Variants in RBM26 observed in about 807,000 individuals in gnomAD.
RBM26 encodes the protein RNA-binding protein 26.
In RBM26, 30 loss-of-function variants were observed where a neutral mutation model predicts 123.6. That is an observed-to-expected ratio of 0.24 (90% CI 0.18 to 0.33). RBM26 has a LOEUF of 0.33. Among genes scored for constraint, RBM26 ranks in the 10% least tolerant of loss-of-function variants. The pLI, the probability that RBM26 is intolerant of heterozygous loss-of-function variation, is 1.00. For missense variants in RBM26, 947 were observed against 1,203.6 expected (o/e 0.79, Z 3.15); for synonymous variants, 400 against 404.4 (o/e 0.99, Z 0.13).
At chr13:79,334,542 AC>A (rs1819325745) in intron 19 of RBM26, 112 bp from the exon 20 acceptor site, 2 of 527,612 alleles carry the variant, frequency 3.8e-6, no homozygotes, top group Non-Finnish European at 6.6e-6. Context: ...AGAATACATA[AC>A]AATTCATAAT....
At chr13:79,328,184 T>C (rs1290180405) in intron 20 of RBM26, among the ~76,000 whole-genome samples, 1 of 152,048 alleles carries the variant, frequency 6.6e-6, no homozygotes, top group Non-Finnish European at 1.5e-5. Flanking sequence ...ACCAGCAAGA[T>C]TCTGAAAGTG....
At chr13:79,337,021 T>A in intron 19 of RBM26, 81 bp downstream of exon 19, 3 of 1,312,134 alleles carry the variant, frequency 2.3e-6, no homozygotes, top group East Asian at 2.5e-5. Context: ...TTATGTCCTT[T>A]TCATAACTTC....
chr13:79,317,412 C>T (rs368007516), downstream of RBM26, among the ~76,000 whole-genome samples: 1 of 151,566 alleles, frequency 6.6e-6, no homozygotes, highest in Non-Finnish European at 1.5e-5. Flanking sequence ...TCATCTAGTC[C>T]AACTCTTTAT....
At chr13:79,355,968 C>T (rs1352018562) in intron 11 of RBM26, among the ~76,000 whole-genome samples, 3 of 152,126 alleles carry the variant, frequency 2.0e-5, no homozygotes, top group Non-Finnish European at 4.4e-5. Context: ...AGTAATAAAT[C>T]CAAGACTTTT....
chr13:79,391,808 T>C (rs2140400351), intron 1 of RBM26, among the ~76,000 whole-genome samples: 1 of 151,874 alleles, frequency 6.6e-6, no homozygotes, highest in Admixed American at 6.6e-5. Context: ...GCAGATCATA[T>C]CACAATTTCC....
rs2075832002 is a variant in RBM26 at position 79,371,105 on chromosome 13, G to A, written c.474C>T (p.Asn158=). ...DRSRKRDYDR[N]PPRRDSYRDR... is the part of the protein sequence containing the mutation. ...CTCTGTATGAATCTCTTCGAGGAGG[G>A]TTTCGATCATAATCTCTTTTGCGAG... The change falls in exon 5 of 22, where the codon AAC becomes AAT. Residue 158 remains asparagine, a synonymous_variant. Transcript: ENST00000438737. The A allele has an allele frequency of 4.3e-6, 7 of 1,614,086 alleles. No homozygotes were observed. Among genetic ancestry groups the A allele is most frequent in the East Asian group, 2.2e-5 (1 of 44,878 alleles).
chr13:79,320,452 T>C lies in RBM26; in HGVS notation c.*169A>G. 8.0e-7 allele frequency: 1 copy of C among 1,248,680 alleles called. No individual in the cohort carries two copies. The highest frequency in any genetic ancestry group is 1.0e-6 in the Non-Finnish European group (1 of 992,826). 77.4% of individuals were successfully genotyped at this position (1,248,680 alleles called of 1,614,324 possible). A position where few individuals can be genotyped will look rare whatever the true frequency, so the allele number is the denominator to read the frequency against. On this transcript the variant is annotated 3_prime_UTR_variant, in exon 22 of 22. Coordinates refer to ENST00000438737, the MANE Select transcript of RBM26 (RefSeq NM_001366735.2). Reference sequence around the variant, plus strand: ...TGAAGTAAAATGCAAACATCAATCTTTCAAAATACAAGATCAGAAGGTAGT... The same window carrying C: ...TGAAGTAAAATGCAAACATCAATCTCTCAAAATACAAGATCAGAAGGTAGT...
At chr13:79,399,980 G>A (rs186569696) in intron 1 of RBM26, among the ~76,000 whole-genome samples, 5 of 152,270 alleles carry the variant, frequency 3.3e-5, no homozygotes, top group Admixed American at 3.3e-4. Flanking sequence ...GTGAAGAGTG[G>A]TTAAGTCTAA....
At chr13:79,316,812 C>T (rs546246679), downstream of RBM26, among the ~76,000 whole-genome samples, 7 of 151,822 alleles carry the variant, frequency 4.6e-5, no homozygotes, top group African/African-American at 7.2e-5. Context: ...TAATACACAA[C>T]GTTCCTCAAT....
chr13:79,389,116 G>T (rs9530914), intron 1 of RBM26, among the ~76,000 whole-genome samples: 47,607 of 152,032 alleles, frequency 0.31, 8,735 homozygotes, highest in Middle Eastern at 0.5. Context: ...ATGGAGCAGA[G>T]ATATACAGAA....
At chr13:79,334,305 C>A in intron 20 of RBM26, 39 bp downstream of exon 20, 2 of 1,126,518 alleles carry the variant, frequency 1.8e-6, no homozygotes, top group African/African-American at 1.6e-5. Context: ...ACTTATAAAT[C>A]ATTTAAATCT....
At chr13:79,373,523 C>A (rs2076312737) in intron 3 of RBM26, among the ~76,000 whole-genome samples, 1 of 22,920 alleles carries the variant, frequency 4.4e-5, no homozygotes, top group Non-Finnish European at 8.0e-5. Flanking sequence ...ATATATATTA[C>A]TATATATATT....
intron 14 of RBM26, 89 bp from the exon 15 acceptor site, chr13:79,344,883 TTAAACTTCA>T (rs1349750501): frequency 8.0e-7 from 1 of 1,254,182 alleles, no homozygotes; most frequent in African/African-American, 1.5e-5. Flanking sequence ...AGCACTACTG[TTAAACTTCA>T]GCTTCAAAAC....
At chr13:79,390,825 A>G (rs916436345) in intron 1 of RBM26, among the ~76,000 whole-genome samples, 2 of 152,196 alleles carry the variant, frequency 1.3e-5, no homozygotes, top group African/African-American at 4.8e-5. Flanking sequence ...GTCAAGGAAA[A>G]CCAGGCAGGA....
downstream of RBM26, among the ~76,000 whole-genome samples, chr13:79,316,990 T>TAA (rs200304387): frequency 4.6e-5 from 7 of 150,892 alleles, no homozygotes; most frequent in Admixed American, 6.6e-5. Context: ...GTTTTTTTTT[T>TAA]AAAAAAGAGT....
At chr13:79,399,309 G>A (rs752697387) in intron 1 of RBM26, among the ~76,000 whole-genome samples, 14 of 152,258 alleles carry the variant, frequency 9.2e-5, no homozygotes, top group Non-Finnish European at 2.1e-4. Flanking sequence ...TATGAATAAA[G>A]TATGCTAATT....
intron 13 of RBM26, among the ~76,000 whole-genome samples, chr13:79,353,984 T>C (rs2073642178): frequency 6.6e-6 from 1 of 152,204 alleles, no homozygotes. Flanking sequence ...TAAAACAGTA[T>C]AATATCAAGC....
intron 1 of RBM26, among the ~76,000 whole-genome samples, chr13:79,384,209 C>T (rs2077292811): frequency 6.6e-6 from 1 of 151,592 alleles, no homozygotes; most frequent in Admixed American, 6.6e-5. Context: ...TTTGTCAATT[C>T]CTGAATATAC....
intron 14 of RBM26, among the ~76,000 whole-genome samples, chr13:79,349,333 C>T (rs1319237737): frequency 6.6e-6 from 1 of 152,134 alleles, no homozygotes; most frequent in African/African-American, 2.4e-5. Context: ...ACCAACATTT[C>T]CCAATCCCCT....
Sources: gnomAD v4.1 joint callset for allele counts (sites outside exome capture counted in the v4.1 genomes callset) on GRCh38, gnomAD v4.1.1 for gene constraint, MANE v1.5 for transcripts, NCBI Gene and HGNC (gene_info 2026-07-23, HGNC 2026-07-21) for gene names.